Variants in ATF6 observed in about 807,000 individuals in gnomAD.
ATF6 encodes the protein activating transcription factor 6, also known as cyclic AMP-dependent transcription factor ATF-6 alpha.
A neutral mutation model predicts 83.6 loss-of-function variants in ATF6; 53 were observed. The ratio of observed to expected loss-of-function variants is 0.63; its 90% CI spans 0.51 to 0.80. ATF6 has a LOEUF of 0.80. Among genes scored for constraint, ATF6 ranks in the 30% least tolerant of loss-of-function variants. The pLI is 0.00. For synonymous variants in ATF6, 288 were observed against 285.8 expected (o/e 1.01, Z -0.08); for missense variants, 744 against 797.9 (o/e 0.93, Z 0.81).
At chr1:161,947,690 C>A (rs2101915569) in intron 15 of ATF6, among the ~76,000 whole-genome samples, 1 of 151,484 alleles carries the variant, frequency 6.6e-6, no homozygotes, top group Non-Finnish European at 1.5e-5. Context: ...TATTTATATG[C>A]TTAAGTAGTA....
chr1:161,902,966 G>A (rs1407399480), intron 14 of ATF6, among the ~76,000 whole-genome samples: 1 of 152,046 alleles, frequency 6.6e-6, no homozygotes, highest in Non-Finnish European at 1.5e-5. Context: ...CTCTACAAAG[G>A]CCACAGCTGA....
chr1:161,770,255 C>T (rs907608234), intron 1 of ATF6, among the ~76,000 whole-genome samples: 3 of 152,130 alleles, frequency 2.0e-5, no homozygotes, highest in Non-Finnish European at 2.9e-5. Flanking sequence ...GGCTTGATAG[C>T]TCATTTCTTC....
At chr1:161,919,367 A>G (rs766442261) in intron 15 of ATF6, among the ~76,000 whole-genome samples, 29 of 152,202 alleles carry the variant, frequency 1.9e-4, no homozygotes, top group Admixed American at 9.8e-4. Flanking sequence ...TGGAAGTTCT[A>G]CTAGTAGTTA....
At chr1:161,804,707 A>G (rs1685237357) in intron 7 of ATF6, among the ~76,000 whole-genome samples, 2 of 151,420 alleles carry the variant, frequency 1.3e-5, no homozygotes, top group African/African-American at 4.8e-5. Flanking sequence ...TAGGCTTACT[A>G]TCTGAATAAT....
At position 161,802,193 on chromosome 1, in the gene ATF6, C is replaced by T. The variant is rs777481861; in HGVS notation, c.830C>T (p.Ser277Leu). ...GTGGTGAATGTGGTACCAGCCCCTTCAGCGAATAGCCCAGTGAATGGAAAA... is the reference window on the plus strand; with the variant it reads ...GTGGTGAATGTGGTACCAGCCCCTTTAGCGAATAGCCCAGTGAATGGAAAA... ...NHVVNVVPAP[S>L]ANSPVNGKLS... is the part of the protein sequence containing the mutation. Residue 277 changes from serine to leucine, a missense_variant, in exon 7 of 16, where the codon TCA becomes TTA. Transcript: ENST00000367942. 1.2e-6 allele frequency: 2 copies of T among 1,614,078 alleles called. No individual in the cohort carries two copies. The highest frequency in any genetic ancestry group is 1.7e-6 in the Non-Finnish European group (2 of 1,179,998).
At chr1:161,916,547 C>T (rs898597688) in intron 15 of ATF6, among the ~76,000 whole-genome samples, 1 of 152,156 alleles carries the variant, frequency 6.6e-6, no homozygotes, top group Non-Finnish European at 1.5e-5. Flanking sequence ...AACATTGATA[C>T]AGTAGAGTTC....
At position 161,817,033 on chromosome 1, in the gene ATF6, C is replaced by T. The variant is rs1685629781; in HGVS notation, c.910-2600C>T. Among the ~76,000 whole-genome samples the T allele has an allele frequency of 1.3e-5, 2 of 152,088 alleles. 1 individual carries two copies. The highest frequency in any genetic ancestry group is 6.3e-3 in the Middle Eastern group (2 of 316). On this transcript the variant is annotated intron_variant, in intron 7 of 15. Transcript: ENST00000367942. ...ATTGATAGTATTGAATATTTATTTT[C>T]AGAACTATTATAGTGTATCTGTTTC...
chr1:161,791,819 T>G (rs1480720579), intron 5 of ATF6, among the ~76,000 whole-genome samples: 1 of 152,210 alleles, frequency 6.6e-6, no homozygotes, highest in African/African-American at 2.4e-5. Flanking sequence ...GATAACTGAA[T>G]GGAGCTATGA....
In ATF6 at chr1:161,795,769, G is replaced by T. The variant is rs1371554278; in HGVS notation, c.688+3442G>T. Among the ~76,000 whole-genome samples, 5 of 152,178 alleles carry T rather than the reference G, an allele frequency of 3.3e-5. No individual in the cohort carries two copies. The South Asian group carries it at 1.0e-3, about 31-fold the overall frequency. ...CTAGGAACAGTAGTAACTATGTTCA[G>T]CTGCTATTTAAGGCCCCAAACAATT... is the stretch of plus-strand genomic sequence containing the variant. On this transcript the variant is annotated intron_variant, in intron 6 of 15. Transcript: ENST00000367942.
chr1:161,819,703 A>G lies in ATF6; in HGVS notation c.980A>G (p.Lys327Arg). The change falls in exon 8 of 16, where the codon AAG becomes AGG. Residue 327 changes from lysine (K) to arginine (R), a missense_variant. By Grantham distance (26) the Lys-to-Arg change is conservative. Coordinates refer to ENST00000367942, the MANE Select transcript of ATF6 (RefSeq NM_007348.4). ...RESACQSRKK[K>R]KEYMLGLEAR... ...TCCGCTTGTCAGTCTCGCAAGAAGAAGAAAGAATATATGCTAGGGTTAGAG... is the reference window on the plus strand; with the variant it reads ...TCCGCTTGTCAGTCTCGCAAGAAGAGGAAAGAATATATGCTAGGGTTAGAG... The G allele has an allele frequency of 1.2e-6, 2 of 1,613,302 alleles. No homozygotes were observed. The highest frequency in any genetic ancestry group is 1.7e-6 in the Non-Finnish European group (2 of 1,179,690).
At chr1:161,915,392 A>C (rs1413157671) in intron 15 of ATF6, among the ~76,000 whole-genome samples, 2 of 152,210 alleles carry the variant, frequency 1.3e-5, no homozygotes, top group Non-Finnish European at 2.9e-5. Context: ...TGAGTAAAAA[A>C]GCTTTAAATA....
chr1:161,792,353 G>A (rs768876285), intron 6 of ATF6, 26 bp downstream of exon 6: 16 of 1,599,474 alleles, frequency 1.0e-5, no homozygotes, highest in African/African-American at 2.7e-5. Flanking sequence ...TTAAGGCTGT[G>A]TAAATTTATT....
Position 161,851,753 on chromosome 1 carries a change from C to G in ATF6, c.1351C>G (p.Leu451Val). 6.2e-7 allele frequency: 1 copy of G among 1,613,824 alleles called. No individual in the cohort carries two copies. The highest frequency in any genetic ancestry group is 8.5e-7 in the Non-Finnish European group (1 of 1,179,800). ...TCATTCTGTTTCAAATGACAAAGCC[C>G]TGATGGTGCTAACTGAAGAACCATT... ...YDHSVSNDKA[L>V]MVLTEEPLLY... The change falls in exon 11 of 16, where the codon CTG becomes GTG. Residue 451 changes from leucine to valine, a missense_variant. Transcript: ENST00000367942.
chr1:161,867,275 A>G (rs1425851756), intron 14 of ATF6, among the ~76,000 whole-genome samples: 1 of 152,078 alleles, frequency 6.6e-6, no homozygotes, highest in African/African-American at 2.4e-5. Flanking sequence ...AGCCTGGGTG[A>G]CAGAGTGAGA....
chr1:161,852,014 G>A (rs748932263), intron 11 of ATF6, among the ~76,000 whole-genome samples, 179 bp downstream of exon 11: 2 of 151,948 alleles, frequency 1.3e-5, no homozygotes, highest in African/African-American at 2.4e-5. Flanking sequence ...GATGGTGATG[G>A]GTCTATTTTA....
intron 7 of ATF6, among the ~76,000 whole-genome samples, chr1:161,811,787 C>CCATA (rs139290620): frequency 0.28 from 42,425 of 151,066 alleles, 7,604 homozygotes; most frequent in Middle Eastern, 0.39. Context: ...ATCCATCCAT[C>CCATA]CATATACACA....
At chr1:161,800,223 G>A (rs1260790305) in intron 6 of ATF6, among the ~76,000 whole-genome samples, 1 of 152,084 alleles carries the variant, frequency 6.6e-6, no homozygotes, top group African/African-American at 2.4e-5. Flanking sequence ...GGTACTTTTG[G>A]ATTTTAGAAT....
intron 14 of ATF6, among the ~76,000 whole-genome samples, chr1:161,911,292 C>CT (rs1224974094): frequency 6.6e-6 from 1 of 151,970 alleles, no homozygotes; most frequent in Non-Finnish European, 1.5e-5. Context: ...TTCTTTTTTT[C>CT]TTTTTTCTGT....
At chr1:161,773,493 C>T (rs566362276) in intron 1 of ATF6, among the ~76,000 whole-genome samples, 140 of 151,958 alleles carry the variant, frequency 9.2e-4, no homozygotes, top group Non-Finnish European at 1.7e-3. Context: ...CTCAAACTCC[C>T]GACCTCATGT....
Sources: allele counts gnomAD v4.1 joint callset (sites outside exome capture counted in the v4.1 genomes callset), GRCh38; gene constraint gnomAD v4.1.1; transcripts MANE v1.5; gene names NCBI Gene and HGNC (gene_info 2026-07-23, HGNC 2026-07-21).